Variants in SDK2 observed in about 807,000 individuals in gnomAD.
The protein encoded by SDK2 is sidekick cell adhesion molecule 2.
A neutral mutation model predicts 253.9 loss-of-function variants in SDK2; 105 were observed. The ratio of observed to expected loss-of-function variants is 0.41; its 90% CI spans 0.35 to 0.49. The LOEUF (loss-of-function observed/expected upper bound fraction) is 0.49, where lower values mean the gene tolerates loss of function less well. SDK2 is among the 20% of genes least tolerant of loss of function. The pLI is 0.06. For missense variants in SDK2, 2,608 were observed against 3,003.0 expected, an observed-to-expected ratio of 0.87 and a Z score of 3.07; for synonymous variants, 1,249 against 1,234.9, an observed-to-expected ratio of 1.01 and a Z score of -0.24.
chr17:73,391,434 G>T lies in SDK2; in HGVS notation c.3997+6C>A, dbSNP rs2062927263. ...CAGCCGGGGCACGGGAAGGGCAAAG[G>T]CTTACCAAGAATGATGCCATTGGGG... On this transcript the variant is annotated splice_donor_region_variant and intron_variant, in intron 28 of 44. Coordinates refer to ENST00000392650, the MANE Select transcript of SDK2 (RefSeq NM_001144952.2). 1.5e-6 allele frequency: 2 copies of T among 1,305,118 alleles called. No homozygotes were observed. Among genetic ancestry groups the T allele is most frequent in the African/African-American group, 1.5e-5 (1 of 66,280 alleles). 80.8% of individuals were successfully genotyped at this position (1,305,118 alleles called of 1,614,324 possible). A position where few individuals can be genotyped will look rare whatever the true frequency, so the allele number is the denominator to read the frequency against.
intron 4 of SDK2, among the ~76,000 whole-genome samples, chr17:73,449,513 G>C (rs780281044): frequency 2.6e-5 from 4 of 151,478 alleles, no homozygotes; most frequent in Non-Finnish European, 4.4e-5. Flanking sequence ...CACATGCTGA[G>C]AATCACACTC....
Position 73,394,247 on chromosome 17 carries a change from G to T in SDK2, c.3670C>A (p.Pro1224Thr). The change falls in exon 26 of 45, where the codon CCC (proline) becomes ACC (threonine). Residue 1224 changes from proline to threonine, a missense_variant. Physicochemically the swap from Pro to Thr is conservative, Grantham distance 38 (BLOSUM62 -1). Around this residue, in one of 2 missense-constraint regions of SDK2, gnomAD observed 1,505 missense variants for 1,859.1 expected, o/e 0.81. Coordinates refer to ENST00000392650, the MANE Select transcript of SDK2 (RefSeq NM_001144952.2). ...SSMLVRWSEV[P>T]EADRNGLVLG... ...ACGAGCCCGTTGCGATCAGCCTCGG[G>T]GACCTCGCTCCAGCGCACCAGCATG... 6.2e-7 allele frequency: 1 copy of T among 1,601,288 alleles called. No individual in the cohort carries two copies.
intron 44 of SDK2, among the ~76,000 whole-genome samples, chr17:73,346,658 A>G (rs932863415): frequency 2.4e-4 from 36 of 152,308 alleles, no homozygotes; most frequent in African/African-American, 7.9e-4. Flanking sequence ...GTGTTTGTTT[A>G]TAAGTCAAAC....
In SDK2 at chr17:73,395,083, T is replaced by G. The variant is rs1205026190; in HGVS notation, c.3592+72A>C. Reference sequence around the variant, plus strand: ...CAACACCTTCAGCCTGGCACGCGCTTGGATGACCCTGAGGGCATAGAGACC... The same window carrying G: ...CAACACCTTCAGCCTGGCACGCGCTGGGATGACCCTGAGGGCATAGAGACC... On this transcript the variant is annotated intron_variant, in intron 25 of 44. Coordinates refer to ENST00000392650, the MANE Select transcript of SDK2 (RefSeq NM_001144952.2). This position sits in a 1 kb window ranked among gnomAD's most constrained non-coding sequence, Gnocchi z 4.3. The G allele has an allele frequency of 6.5e-6, 8 of 1,228,546 alleles. No homozygotes were observed. Among genetic ancestry groups the G allele is most frequent in the Non-Finnish European group, 9.1e-6 (8 of 877,090 alleles). 76.1% of individuals were successfully genotyped at this position (1,228,546 alleles called of 1,614,324 possible).
At chr17:73,393,416 C>CT in intron 27 of SDK2, 144 bp downstream of exon 27, 1 of 601,240 alleles carries the variant, frequency 1.7e-6, no homozygotes, top group Non-Finnish European at 2.6e-6. Flanking sequence ...GCTGGTAGCT[C>CT]TGGGTGACCC....
intron 16 of SDK2, among the ~76,000 whole-genome samples, chr17:73,416,416 C>T (rs962752124): frequency 1.3e-5 from 2 of 151,848 alleles, no homozygotes; most frequent in African/African-American, 4.8e-5. Context: ...AGGATGGTCT[C>T]GAACTCCTGA....
chr17:73,535,811 A>C (rs1246548633), intron 1 of SDK2, among the ~76,000 whole-genome samples: 1 of 152,072 alleles, frequency 6.6e-6, no homozygotes, highest in Non-Finnish European at 1.5e-5. Context: ...AACCTGGGTG[A>C]GGTCAGTTGA....
At chr17:73,573,842 C>A (rs1215004708) in intron 1 of SDK2, among the ~76,000 whole-genome samples, 1 of 152,234 alleles carries the variant, frequency 6.6e-6, no homozygotes, top group East Asian at 1.9e-4. Context: ...TGTGGATGGG[C>A]CCCTGGCTCT....
chr17:73,603,360 C>T (rs963902497), intron 1 of SDK2, among the ~76,000 whole-genome samples: 2 of 152,220 alleles, frequency 1.3e-5, no homozygotes, highest in Admixed American at 1.3e-4. Flanking sequence ...CTGGGCCGGA[C>T]TGAGAGGATT....
chr17:73,533,102 C>T (rs1027395211), intron 1 of SDK2, among the ~76,000 whole-genome samples: 4 of 152,338 alleles, frequency 2.6e-5, no homozygotes, highest in Middle Eastern at 3.4e-3. Flanking sequence ...TCTGTGTAAC[C>T]CTCATGCCCC....
intron 1 of SDK2, among the ~76,000 whole-genome samples, chr17:73,625,127 C>T (rs935666844): frequency 6.6e-6 from 1 of 152,130 alleles, no homozygotes; most frequent in Admixed American, 6.6e-5. Flanking sequence ...CTTTCAAGAC[C>T]ATGGTAATTT....
At chr17:73,503,541 C>T (rs565274340) in intron 2 of SDK2, among the ~76,000 whole-genome samples, 2 of 152,246 alleles carry the variant, frequency 1.3e-5, no homozygotes, top group East Asian at 3.9e-4. Context: ...CAGGTGTTTA[C>T]AGTACTAACG....
intron 12 of SDK2, among the ~76,000 whole-genome samples, chr17:73,427,419 G>T (rs1319081708): frequency 6.6e-6 from 1 of 152,070 alleles, no homozygotes; most frequent in Non-Finnish European, 1.5e-5. Context: ...TTTACATATG[G>T]CTGCTTTGGC....
In SDK2 at chr17:73,379,133, C is replaced by T. The variant is rs534711935; in HGVS notation, c.4980+44G>A. 7.0e-7 allele frequency: 1 copy of T among 1,438,592 alleles called. No individual in the cohort carries two copies. Among genetic ancestry groups the T allele is most frequent in the Non-Finnish European group, 9.6e-7 (1 of 1,046,672 alleles). The allele number at this position is 1,438,592 out of a possible 1,614,324, so 89.1% of individuals were successfully genotyped here. A position where few individuals can be genotyped will look rare whatever the true frequency, so the allele number is the denominator to read the frequency against. On this transcript the variant is annotated intron_variant, in intron 36 of 44. Transcript: ENST00000392650. This position sits in a 1 kb window ranked among gnomAD's most constrained non-coding sequence, Gnocchi z 4.5. ...ACTCACTCCCCAGCCTCCGACCTGGCTTCTCATCCGTGCACCCCTTTGCTC... is the reference window on the plus strand; with the variant it reads ...ACTCACTCCCCAGCCTCCGACCTGGTTTCTCATCCGTGCACCCCTTTGCTC...
chr17:73,447,549 C>G lies in SDK2; in HGVS notation c.613+66G>C. On this transcript the variant is annotated intron_variant, in intron 5 of 44. Transcript: ENST00000392650. This position sits in a 1 kb window ranked among gnomAD's most constrained non-coding sequence, Gnocchi z 4.0. ...GCCACTCCATCTTCCCAATGATCCCCTGGAGCACCATTGCTAAGATTTAAT... is the reference window on the plus strand; with the variant it reads ...GCCACTCCATCTTCCCAATGATCCCGTGGAGCACCATTGCTAAGATTTAAT... The G allele has an allele frequency of 6.5e-7, 1 of 1,541,358 alleles. No homozygotes were observed. The highest frequency in any genetic ancestry group is 1.4e-5 in the African/African-American group (1 of 72,998).
Position 73,401,678 on chromosome 17 carries a change from C to T in SDK2, c.2755G>A (p.Gly919Arg), listed in dbSNP as rs754858539. 32 of 1,593,798 alleles carry T rather than the reference C, an allele frequency of 2.0e-5. No homozygotes were observed. Among genetic ancestry groups the T allele is most frequent in the Non-Finnish European group, 2.4e-5 (28 of 1,169,444 alleles). The stretch of plus-strand genomic sequence containing the variant: ...CCTGTGAGGATGCCATTTTTCTCTC[C>T]CGGCTCTTGCCAGCTGACCTTCAGC... ...TSLKVSWQEP[G>R]EKNGILTGYR... Residue 919 changes from glycine (G) to arginine (R), a missense_variant, in exon 20 of 45, where the codon GGA becomes AGA. Coordinates refer to ENST00000392650, the MANE Select transcript of SDK2 (RefSeq NM_001144952.2).
At chr17:73,630,646 C>T (rs529083478) in intron 1 of SDK2, among the ~76,000 whole-genome samples, 1 of 152,312 alleles carries the variant, frequency 6.6e-6, no homozygotes, top group South Asian at 2.1e-4. Flanking sequence ...TCCCTAAACC[C>T]TGGGGCTGGA....
At chr17:73,417,775 C>T (rs548811185) in intron 16 of SDK2, among the ~76,000 whole-genome samples, 1 of 152,218 alleles carries the variant, frequency 6.6e-6, no homozygotes, top group Non-Finnish European at 1.5e-5. Context: ...ACCTACTCGA[C>T]CCATTTCTAC....
rs1402260804 is a variant in SDK2 at position 73,496,226 on chromosome 17, G to T, written c.224+11212C>A. On this transcript the variant is annotated intron_variant, in intron 2 of 44. Coordinates refer to ENST00000392650, the MANE Select transcript of SDK2 (RefSeq NM_001144952.2). This position sits in a 1 kb window ranked among gnomAD's most constrained non-coding sequence, Gnocchi z 4.7. ...GACACTCTTCTGCACGCTTCATCTTGCATGACATTCCCAGCCACCCTGGGA... is the reference window on the plus strand; with the variant it reads ...GACACTCTTCTGCACGCTTCATCTTTCATGACATTCCCAGCCACCCTGGGA... Among the ~76,000 whole-genome samples the T allele has an allele frequency of 6.6e-6, 1 of 152,162 alleles. No homozygotes were observed. The highest frequency in any genetic ancestry group is 1.5e-5 in the Non-Finnish European group (1 of 68,024).
Sources: allele counts gnomAD v4.1 joint callset (sites outside exome capture counted in the v4.1 genomes callset), GRCh38; gene constraint gnomAD v4.1.1; regional missense constraint gnomAD v4.1.1; non-coding constraint Gnocchi (gnomAD v3.1); transcripts MANE v1.5; gene names NCBI Gene and HGNC (gene_info 2026-07-23, HGNC 2026-07-21).